The following GPR173 variants were observed in gnomAD, a reference collection of about 807,000 sequenced individuals.
The protein encoded by GPR173 is probable G protein-coupled receptor 173.
A neutral mutation model predicts 13.9 loss-of-function variants in GPR173; 2 were observed. The observed-to-expected ratio is 0.14, with a 90% confidence interval of 0.06 to 0.45. GPR173 has a LOEUF of 0.45. GPR173 is among the 20% of genes least tolerant of loss of function. The pLI, the probability that GPR173 is intolerant of heterozygous loss-of-function variation, is 0.98. For missense variants in GPR173, 202 were observed against 340.5 expected (o/e 0.59, Z 3.20); for synonymous variants, 131 against 141.0 (o/e 0.93, Z 0.50).
chrX:53,076,948 TG>T lies in GPR173; in HGVS notation c.328del (p.Ala110ArgfsTer26). The T allele has an allele frequency of 8.3e-7, 1 of 1,209,830 alleles. No homozygotes were observed. The highest frequency in any genetic ancestry group is 1.1e-6 in the Non-Finnish European group (1 of 894,936). On this transcript the variant is annotated frameshift_variant, in exon 2 of 2. Coordinates refer to ENST00000332582, the MANE Select transcript of GPR173 (RefSeq NM_018969.6). LOFTEE classifies it high-confidence loss of function. ...TTATGGCCGTGCTCTTTTGCTTCCA[TG>T]CGGCCTTCATGCTGTTCTGCATCAG... is the stretch of plus-strand genomic sequence containing the variant. Reference protein sequence around the residue: ...AFMAVLFCFHAAFMLFCISVT... With the variant: ...AFMAVLFCFHXAFMLFCISVT...
chrX:53,070,252 G>T (rs190131693), intron 1 of GPR173, among the ~76,000 whole-genome samples: 240 of 111,244 alleles, frequency 2.2e-3, no homozygotes, highest in Non-Finnish European at 4.0e-3. Context: ...AAGTTTGCTT[G>T]TGTGTACCTA....
chrX:53,066,631 G>A (rs1932187553), intron 1 of GPR173, among the ~76,000 whole-genome samples: 2 of 106,369 alleles, frequency 1.9e-5, no homozygotes, highest in South Asian at 8.4e-4. Flanking sequence ...TTGCACTACT[G>A]CACTCCAGCC....
intron 1 of GPR173, chrX:53,065,653 C>CA (rs1408411798): frequency 2.7e-5 from 3 of 112,164 alleles, no homozygotes; most frequent in African/African-American, 9.7e-5. Context: ...AGCAAATGGT[C>CA]AAAGAGTATT....
chrX:53,074,959 C>T lies in GPR173; in HGVS notation c.-97-1566C>T, dbSNP rs1014459450. On this transcript the variant is annotated intron_variant, in intron 1 of 1. Transcript: ENST00000332582. ...CCCACATGACCCCTGCTCTTCACAACGGCAAGCGGGATTCTGTTCCATCCT... is the reference window on the plus strand; with the variant it reads ...CCCACATGACCCCTGCTCTTCACAATGGCAAGCGGGATTCTGTTCCATCCT... 4.8e-5 allele frequency among the ~76,000 whole-genome samples: 5 copies of T among 103,735 alleles called. No homozygotes were observed. In the East Asian group the frequency reaches 8.9e-4, roughly 18 times the overall value. 90.1% of individuals were successfully genotyped at this position (103,735 alleles called of 115,157 possible).
At chrX:53,050,334 G>C (rs782215398) in intron 1 of GPR173, among the ~76,000 whole-genome samples, 1 of 111,921 alleles carries the variant, frequency 8.9e-6, no homozygotes, top group Non-Finnish European at 1.9e-5. Context: ...CCACCACAAG[G>C]CTCTCTGTCT....
At chrX:53,074,104 A>G (rs1372126071) in intron 1 of GPR173, among the ~76,000 whole-genome samples, 1 of 44,670 alleles carries the variant, frequency 2.2e-5, no homozygotes, top group Admixed American at 4.5e-4. Flanking sequence ...ATAAATATAT[A>G]AATATACATT....
intron 1 of GPR173, among the ~76,000 whole-genome samples, chrX:53,073,752 T>G (rs1556805080): frequency 1.1e-5 from 1 of 89,906 alleles, no homozygotes; most frequent in African/African-American, 4.1e-5. Context: ...AAACTAAAAT[T>G]TAAAAGTAAA....
chrX:53,059,203 C>T (rs782410978), intron 1 of GPR173, among the ~76,000 whole-genome samples: 4 of 106,915 alleles, frequency 3.7e-5, no homozygotes, highest in African/African-American at 6.8e-5. Flanking sequence ...GAGCTGAGAT[C>T]GCGCAACTGC....
At chrX:53,072,055 T>G (rs1240402703) in intron 1 of GPR173, among the ~76,000 whole-genome samples, 1 of 107,341 alleles carries the variant, frequency 9.3e-6, no homozygotes, top group Non-Finnish European at 1.9e-5. Flanking sequence ...CAGCTGCCAG[T>G]CTGCGGAGGA....
At position 53,069,892 on chromosome X, in the gene GPR173, CTT is replaced by C. The variant is rs369336124; in HGVS notation, c.-97-6631_-97-6630del. 4.7e-4 allele frequency among the ~76,000 whole-genome samples: 52 copies of C among 110,601 alleles called. 1 individual carries two copies. Among genetic ancestry groups the C allele is most frequent in the African/African-American group, 1.6e-3 (49 of 30,355 alleles). On this transcript the variant is annotated intron_variant, in intron 1 of 1. Coordinates refer to ENST00000332582, the MANE Select transcript of GPR173 (RefSeq NM_018969.6). Reference sequence around the variant, plus strand: ...TATGTGAGAGAGTTTGAATCTGTCTCTTTGTGTTAGAGCATGTGTGTGTATAT... The same window carrying C: ...TATGTGAGAGAGTTTGAATCTGTCTCTGTGTTAGAGCATGTGTGTGTATAT...
Position 53,061,865 on chromosome X carries a change from G to A in GPR173, c.-98+12381G>A, listed in dbSNP as rs914688424. Among the ~76,000 whole-genome samples the A allele has an allele frequency of 6.3e-5, 7 of 110,589 alleles. No individual in the cohort carries two copies. The South Asian group carries it at 2.7e-3, about 43-fold the overall frequency. ...AGTTCTGGAGGCTAGGAAGTCCAAGGTTGAGGGGCATGCATCTAGCAAGGG... is the reference window on the plus strand; with the variant it reads ...AGTTCTGGAGGCTAGGAAGTCCAAGATTGAGGGGCATGCATCTAGCAAGGG... On this transcript the variant is annotated intron_variant, in intron 1 of 1. Transcript: ENST00000332582.
chrX:53,058,840 A>ATATG (rs781805102), intron 1 of GPR173, among the ~76,000 whole-genome samples: 72 of 110,175 alleles, frequency 6.5e-4, no homozygotes, highest in Non-Finnish European at 4.9e-4. Context: ...AGTTTGGTTC[A>ATATG]TATGTATGTA....
chrX:53,071,741 G>C (rs185090119), intron 1 of GPR173, among the ~76,000 whole-genome samples: 3 of 112,403 alleles, frequency 2.7e-5, no homozygotes, highest in Non-Finnish European at 5.6e-5. Context: ...AGGACGAAGC[G>C]CTGGCGCTCG....
intron 1 of GPR173, 41 bp from the exon 2 acceptor site, chrX:53,076,484 C>T: frequency 6.7e-6 from 3 of 447,123 alleles, no homozygotes; most frequent in Non-Finnish European, 1.1e-5. Flanking sequence ...ATCTCTCTGT[C>T]TCTCTGTGTC....
intron 1 of GPR173, among the ~76,000 whole-genome samples, chrX:53,054,207 C>A (rs1310075030): frequency 1.8e-5 from 2 of 109,791 alleles, no homozygotes; most frequent in Non-Finnish European, 3.8e-5. Context: ...ATGTGGTCTG[C>A]ATGTGTGTAA....
chrX:53,067,575 C>G (rs1556804322), intron 1 of GPR173, among the ~76,000 whole-genome samples: 1 of 112,066 alleles, frequency 8.9e-6, no homozygotes. Context: ...CCTGTAATCC[C>G]AGCACTTTGG....
chrX:53,076,863 C>T lies in GPR173; in HGVS notation c.242C>T (p.Ala81Val). 2 of 1,210,138 alleles carry T rather than the reference C, an allele frequency of 1.7e-6. No individual in the cohort carries two copies. The highest frequency in any genetic ancestry group is 2.2e-6 in the Non-Finnish European group (2 of 895,316). ...RSAVCFPFVLASVRHGSSWTF... is the reference protein window; with the variant it reads ...RSAVCFPFVLVSVRHGSSWTF... ...GCCGTCTGCTTCCCCTTTGTGCTGG[C>T]TTCTGTGCGCCACGGCTCTTCATGG... Residue 81 changes from alanine to valine, a missense_variant, in exon 2 of 2, where the codon GCT becomes GTT. Ala to Val is a moderately conservative substitution (Grantham distance 64). Transcript: ENST00000332582.
At chrX:53,070,412 T>G (rs1317711233) in intron 1 of GPR173, among the ~76,000 whole-genome samples, 1 of 111,811 alleles carries the variant, frequency 8.9e-6, no homozygotes, top group Non-Finnish European at 1.9e-5. Flanking sequence ...AGTGCCCTCT[T>G]GTACATAACA....
intron 1 of GPR173, among the ~76,000 whole-genome samples, chrX:53,056,485 G>A (rs782480876): frequency 9.1e-6 from 1 of 109,816 alleles, no homozygotes; most frequent in South Asian, 4.0e-4. Flanking sequence ...TCATCTCTGG[G>A]TGGTGTGAGA....
Sources: gnomAD v4.1 joint callset for allele counts (sites outside exome capture counted in the v4.1 genomes callset) on GRCh38, gnomAD v4.1.1 for gene constraint, MANE v1.5 for transcripts, NCBI Gene and HGNC (gene_info 2026-07-23, HGNC 2026-07-21) for gene names.